Variants in STPG1 observed in about 807,000 individuals in gnomAD.
The protein encoded by STPG1 is O(6)-methylguanine-induced apoptosis 2.
STPG1 carries 33 observed loss-of-function variants against 40.1 expected under a neutral mutation model. The ratio of observed to expected loss-of-function variants is 0.82; its 90% confidence interval spans 0.62 to 1.10. The LOEUF is 1.10. STPG1 is among the 50% of genes least tolerant of loss of function. STPG1 has a pLI of 0.00. For synonymous variants in STPG1, 150 were observed against 155.0 expected (o/e 0.97, Z 0.24); for missense variants, 396 against 415.1 (o/e 0.95, Z 0.40).
chr1:24,376,084 G>C (rs574639233), intron 5 of STPG1, among the ~76,000 whole-genome samples: 1 of 152,302 alleles, frequency 6.6e-6, no homozygotes, highest in South Asian at 2.1e-4. Context: ...GCAGTAGTGT[G>C]ATCTTGGCTC....
chr1:24,400,066 G>A (rs1643159593), intron 2 of STPG1, among the ~76,000 whole-genome samples: 1 of 152,198 alleles, frequency 6.6e-6, no homozygotes, highest in Non-Finnish European at 1.5e-5. Context: ...CACAAGACAA[G>A]TACAAGAATA....
chr1:24,381,658 T>C (rs577015917), intron 4 of STPG1, among the ~76,000 whole-genome samples: 2 of 152,310 alleles, frequency 1.3e-5, no homozygotes, highest in East Asian at 3.9e-4. Flanking sequence ...AAAGGTTGGG[T>C]GTAGTTGTTT....
chr1:24,388,397 C>T (rs1261940568), intron 3 of STPG1, among the ~76,000 whole-genome samples: 1 of 152,148 alleles, frequency 6.6e-6, no homozygotes, highest in African/African-American at 2.4e-5. Flanking sequence ...GTAAATAACT[C>T]GAAAATGTTC....
chr1:24,386,395 G>C (rs962802936), intron 3 of STPG1, among the ~76,000 whole-genome samples: 13 of 152,242 alleles, frequency 8.5e-5, no homozygotes, highest in Non-Finnish European at 1.9e-4. Flanking sequence ...AGCAAAAAGA[G>C]AGTCCTCCAG....
intron 2 of STPG1, among the ~76,000 whole-genome samples, chr1:24,395,891 G>C (rs1478229402): frequency 1.3e-5 from 2 of 151,848 alleles, no homozygotes; most frequent in Non-Finnish European, 2.9e-5. Context: ...GCTGAATCAG[G>C]AGAATTGCTT....
intron 3 of STPG1, 103 bp downstream of exon 3, chr1:24,391,458 C>A (rs1642768139): frequency 1.4e-6 from 1 of 720,566 alleles, no homozygotes; most frequent in Non-Finnish European, 2.3e-6. Flanking sequence ...GCACACTGCC[C>A]TCCACTGTCC....
chr1:24,376,144 C>T (rs553644194), intron 5 of STPG1, among the ~76,000 whole-genome samples: 25 of 152,294 alleles, frequency 1.6e-4, no homozygotes, highest in Admixed American at 1.4e-3. Context: ...CCTCAGCCTC[C>T]CGAGTAGCTG....
intron 4 of STPG1, among the ~76,000 whole-genome samples, chr1:24,382,757 G>T (rs958144627): frequency 4.6e-5 from 7 of 151,900 alleles, no homozygotes; most frequent in African/African-American, 1.7e-4. Flanking sequence ...GCTACATTTA[G>T]TGTGTCTTAA....
chr1:24,384,761 G>C (rs1351658551), intron 3 of STPG1, among the ~76,000 whole-genome samples: 1 of 152,142 alleles, frequency 6.6e-6, no homozygotes, highest in Non-Finnish European at 1.5e-5. Flanking sequence ...GTACCTGCTT[G>C]GTGTCAGAAG....
Position 24,391,029 on chromosome 1 carries a change from G to T in STPG1, c.189+532C>A, listed in dbSNP as rs1642749801. ...AGATTGGGTTTTGCTATGTTGCCTG[G>T]GCTGATCTGAAACTCCTGGCTCAAG... is the stretch of plus-strand genomic sequence containing the variant. On this transcript the variant is annotated intron_variant, in intron 3 of 8. Transcript: ENST00000337248. Among the ~76,000 whole-genome samples, 4 of 151,558 alleles carry T rather than the reference G, an allele frequency of 2.6e-5. No homozygotes were observed. In the South Asian group the frequency reaches 6.3e-4, roughly 24 times the overall value.
chr1:24,387,646 G>C (rs966786344), intron 3 of STPG1, among the ~76,000 whole-genome samples: 1 of 152,166 alleles, frequency 6.6e-6, no homozygotes, highest in African/African-American at 2.4e-5. Context: ...ATGGGATTTA[G>C]CTCATGGGGT....
chr1:24,387,046 T>C (rs189417116), intron 3 of STPG1, among the ~76,000 whole-genome samples: 3 of 152,314 alleles, frequency 2.0e-5, no homozygotes, highest in Non-Finnish European at 4.4e-5. Context: ...TGCCTGCTAC[T>C]GCCTCCATGG....
intron 3 of STPG1, among the ~76,000 whole-genome samples, chr1:24,384,670 C>T (rs1167956940): frequency 1.6e-4 from 24 of 152,118 alleles, no homozygotes; most frequent in Admixed American, 1.6e-3. Flanking sequence ...TGCTAGTTAC[C>T]AGGGGGAAGT....
chr1:24,377,025 C>T (rs1355426093), intron 5 of STPG1, among the ~76,000 whole-genome samples: 2 of 151,788 alleles, frequency 1.3e-5, no homozygotes, highest in Admixed American at 6.6e-5. Flanking sequence ...CTTTGGGAGG[C>T]CGAGGTGGAT....
At chr1:24,366,939 G>A (rs1370520097) in intron 7 of STPG1, among the ~76,000 whole-genome samples, 1 of 152,208 alleles carries the variant, frequency 6.6e-6, no homozygotes, top group Non-Finnish European at 1.5e-5. Context: ...AGACTGCGAT[G>A]TTCTCAGGGG....
intron 2 of STPG1, among the ~76,000 whole-genome samples, chr1:24,397,279 G>T (rs1237223170): frequency 2.0e-5 from 3 of 152,124 alleles, no homozygotes; most frequent in Non-Finnish European, 1.5e-5. Context: ...TAAACAAGTA[G>T]ATAGATCAGT....
At chr1:24,413,090 G>A (rs2148722332) in intron 1 of STPG1, among the ~76,000 whole-genome samples, 1 of 152,278 alleles carries the variant, frequency 6.6e-6, no homozygotes, top group East Asian at 1.9e-4. Context: ...CATCTTGGAA[G>A]CAGCTTACAT....
In STPG1 at chr1:24,391,569, G is replaced by A. The variant is rs758467038; in HGVS notation, c.181C>T (p.His61Tyr). 2.0e-5 allele frequency: 31 copies of A among 1,526,918 alleles called. No homozygotes were observed. Among genetic ancestry groups the A allele is most frequent in the Non-Finnish European group, 1.8e-6 (2 of 1,126,314 alleles). 94.6% of individuals were successfully genotyped at this position (1,526,918 alleles called of 1,614,324 possible). Reference protein sequence around the residue: ...GFNSQAKRFPHKKNDIPGPGF... With the variant: ...GFNSQAKRFPYKKNDIPGPGF... ...TGAGACAACGTCATTACCTTCTTAT[G>A]AGGAAATCTCTTGGCTTGACTATTG... The change falls in exon 3 of 9, where the codon CAT becomes TAT. Residue 61 changes from histidine (H) to tyrosine (Y), a missense_variant. Transcript: ENST00000337248.
chr1:24,358,708 TG>T, intron 8 of STPG1, 89 bp from the exon 9 acceptor site: 1 of 988,158 alleles, frequency 1.0e-6, no homozygotes, highest in South Asian at 1.5e-5. Flanking sequence ...TGGAAAGGCC[TG>T]GGGACCCCTG....
Sources: gnomAD v4.1 joint callset for allele counts (sites outside exome capture counted in the v4.1 genomes callset) on GRCh38, gnomAD v4.1.1 for gene constraint, MANE v1.5 for transcripts, NCBI Gene and HGNC (gene_info 2026-07-23, HGNC 2026-07-21) for gene names.